RALY: variants seen among roughly 807,000 people sequenced by gnomAD.
The protein encoded by RALY is RALY heterogeneous nuclear ribonucleoprotein, also known as RNA-binding protein Raly.
Under a neutral mutation model 30.7 loss-of-function variants are expected in RALY, and 15 were observed. The observed-to-expected ratio is 0.49, with a 90% CI of 0.33 to 0.75. The LOEUF is 0.75. RALY is among the 30% of genes least tolerant of loss of function. The pLI, the probability that RALY is intolerant of heterozygous loss-of-function variation, is 0.02. For synonymous variants in RALY, 177 were observed against 170.8 expected, an observed-to-expected ratio of 1.04 and a Z score of -0.28; for missense variants, 339 against 414.3, an observed-to-expected ratio of 0.82 and a Z score of 1.58.
intron 1 of RALY, among the ~76,000 whole-genome samples, chr20:34,016,120 G>A (rs1047502340): frequency 3.9e-5 from 6 of 152,046 alleles, no homozygotes; most frequent in African/African-American, 7.2e-5. Context: ...ATCTCTGCCC[G>A]TGCCAGATGC....
intron 5 of RALY, 47 bp from the exon 6 acceptor site, chr20:34,075,827 G>C (rs201811924): frequency 1.3e-6 from 2 of 1,578,682 alleles, no homozygotes; most frequent in African/African-American, 2.7e-5. Flanking sequence ...ATACCGCCCT[G>C]GTGGCCACAA....
At chr20:34,050,276 C>G (rs2033031561) in intron 2 of RALY, among the ~76,000 whole-genome samples, 1 of 152,186 alleles carries the variant, frequency 6.6e-6, no homozygotes, top group Non-Finnish European at 1.5e-5. Flanking sequence ...AATGTAGGTT[C>G]CTTTGATTCA....
chr20:34,035,817 C>T (rs2123115164), intron 2 of RALY, among the ~76,000 whole-genome samples: 1 of 152,218 alleles, frequency 6.6e-6, no homozygotes, highest in Non-Finnish European at 1.5e-5. Context: ...AGAAAAATAG[C>T]AGGGTAAGGG....
In RALY at chr20:34,077,003, C is replaced by T; in HGVS notation, c.659-25C>T. 59 of 1,610,162 alleles carry T rather than the reference C, an allele frequency of 3.7e-5. 1 individual carries two copies. Among genetic ancestry groups the T allele is most frequent in the Non-Finnish European group, 5.0e-5 (59 of 1,179,092 alleles). ...CTACCCCAGGCTGAGTTTTATTCTC[C>T]CCTCCTCCACCCCTTCCCCTCAAGA... On this transcript the variant is annotated intron_variant, in intron 7 of 9. Coordinates refer to ENST00000246194, the MANE Select transcript of RALY (RefSeq NM_016732.3).
rs183981370 is a variant in RALY at position 34,008,779 on chromosome 20, C to T, written c.-93+14648C>T. Reference sequence around the variant, plus strand: ...GCTTAAGCTATCCTCACGCCTCAGTCTCCTGAGTAGCTGGAATGACAGAGA... The same window carrying T: ...GCTTAAGCTATCCTCACGCCTCAGTTTCCTGAGTAGCTGGAATGACAGAGA... On this transcript the variant is annotated intron_variant, in intron 1 of 9. Transcript: ENST00000246194. Among the ~76,000 whole-genome samples the T allele has an allele frequency of 2.2e-4, 34 of 152,306 alleles. 1 individual carries two copies. Among genetic ancestry groups the T allele is most frequent in the African/African-American group, 7.9e-4 (33 of 41,576 alleles).
intron 1 of RALY, among the ~76,000 whole-genome samples, chr20:34,024,508 C>G (rs1044624315): frequency 1.3e-5 from 2 of 152,186 alleles, no homozygotes; most frequent in African/African-American, 4.8e-5. Context: ...CTGTTGTATT[C>G]TGTGGACGTT....
At chr20:34,027,561 G>T (rs573906030) in intron 1 of RALY, among the ~76,000 whole-genome samples, 1 of 152,202 alleles carries the variant, frequency 6.6e-6, no homozygotes, top group Non-Finnish European at 1.5e-5. Context: ...TGAACTGTTA[G>T]ATCCTGCCTA....
intron 2 of RALY, among the ~76,000 whole-genome samples, chr20:34,055,502 A>G (rs1378804012): frequency 6.6e-6 from 1 of 152,154 alleles, no homozygotes; most frequent in Non-Finnish European, 1.5e-5. Context: ...TCAATTCAGC[A>G]GATACTCCCT....
intron 2 of RALY, among the ~76,000 whole-genome samples, chr20:34,055,893 A>G (rs1244782849): frequency 6.6e-6 from 1 of 152,144 alleles, no homozygotes; most frequent in Non-Finnish European, 1.5e-5. Context: ...ATGTCTAGCA[A>G]TGTGCCCAAA....
At chr20:34,067,462 A>T (rs773630686) in intron 2 of RALY, among the ~76,000 whole-genome samples, 12 of 152,164 alleles carry the variant, frequency 7.9e-5, no homozygotes, top group Non-Finnish European at 1.3e-4. Context: ...CACTGTGCCC[A>T]GCCAGTGGCT....
intron 1 of RALY, among the ~76,000 whole-genome samples, chr20:34,001,358 T>G (rs564581482): frequency 6.6e-6 from 1 of 152,250 alleles, no homozygotes; most frequent in Admixed American, 6.5e-5. Flanking sequence ...GCTTATGGAG[T>G]AGATGCCTCT....
chr20:34,073,837 T>C lies in RALY; in HGVS notation c.348T>C (p.Tyr116=), dbSNP rs1319004110. ...TCCCCAGTGGCTACATCTTTGACTATGATTACTACCGGGACGACTTCTACG... is the reference window on the plus strand; with the variant it reads ...TCCCCAGTGGCTACATCTTTGACTACGATTACTACCGGGACGACTTCTACG... ...SAIYSGYIFD[Y]DYYRDDFYDR... is the part of the protein sequence containing the mutation. Residue 116 remains tyrosine (Y), a synonymous_variant, in exon 5 of 10, where the codon TAT becomes TAC. Transcript: ENST00000246194. The C allele has an allele frequency of 6.2e-7, 1 of 1,613,980 alleles. No individual in the cohort carries two copies. The highest frequency in any genetic ancestry group is 8.5e-7 in the Non-Finnish European group (1 of 1,180,000).
chr20:34,029,939 T>C (rs756452876), intron 1 of RALY: 1 of 152,258 alleles, frequency 6.6e-6, no homozygotes, highest in Non-Finnish European at 1.5e-5. Flanking sequence ...TAAATGCCTA[T>C]TAAATGGCCG....
intron 2 of RALY, among the ~76,000 whole-genome samples, chr20:34,066,025 A>G (rs1180534047): frequency 1.3e-5 from 2 of 152,174 alleles, no homozygotes; most frequent in Middle Eastern, 3.2e-3. Flanking sequence ...GAGGGGTGAC[A>G]TGGCAGAGTT....
chr20:34,046,480 T>A (rs2032882652), intron 2 of RALY, among the ~76,000 whole-genome samples: 1 of 152,150 alleles, frequency 6.6e-6, no homozygotes, highest in Non-Finnish European at 1.5e-5. Flanking sequence ...AAAGAGAAAC[T>A]CTTATTCACT....
At chr20:34,018,197 T>G (rs2031679443) in intron 1 of RALY, among the ~76,000 whole-genome samples, 1 of 152,170 alleles carries the variant, frequency 6.6e-6, no homozygotes, top group Admixed American at 6.5e-5. Flanking sequence ...GATTTAAGGT[T>G]GTAGTAGTAG....
Position 34,076,686 on chromosome 20 carries a change from C to G in RALY, c.545-16C>G. 1 of 1,607,426 alleles carries G rather than the reference C, an allele frequency of 6.2e-7. No homozygotes were observed. The highest frequency in any genetic ancestry group is 8.5e-7 in the Non-Finnish European group (1 of 1,174,400). On this transcript the variant is annotated splice_polypyrimidine_tract_variant and intron_variant, in intron 6 of 9. Transcript: ENST00000246194. ...CAGCCCCCTAGGTGACAGCCCTGTC[C>G]CCCCTCCACTCCCAGTAAAGAGCAG... is the stretch of plus-strand genomic sequence containing the variant.
chr20:34,016,696 C>T (rs1279679052), intron 1 of RALY: 2 of 152,398 alleles, frequency 1.3e-5, no homozygotes, highest in Middle Eastern at 3.4e-3. Context: ...AAAACCTATA[C>T]TCATAAAGGA....
At chr20:34,028,101 C>T (rs2032111923) in intron 1 of RALY, among the ~76,000 whole-genome samples, 1 of 152,054 alleles carries the variant, frequency 6.6e-6, no homozygotes, top group African/African-American at 2.4e-5. Context: ...GCCTGGCCAA[C>T]ATGGTGAAAC....
Sources: allele counts gnomAD v4.1 joint callset (sites outside exome capture counted in the v4.1 genomes callset), GRCh38; gene constraint gnomAD v4.1.1; transcripts MANE v1.5; gene names NCBI Gene and HGNC (gene_info 2026-07-23, HGNC 2026-07-21).